Variants in MEIKIN observed in about 807,000 individuals in gnomAD.
The protein encoded by MEIKIN is meiotic kinetochore factor.
chr5:131,813,115 A>G (rs76835932), intron 12 of MEIKIN, among the ~76,000 whole-genome samples: 1 of 152,336 alleles, frequency 6.6e-6, no homozygotes, highest in Non-Finnish European at 1.5e-5. Context: ...AACATGAGGA[A>G]GTGACCCAAA....
intron 11 of MEIKIN, among the ~76,000 whole-genome samples, chr5:131,849,775 G>T (rs949942017): frequency 5.3e-5 from 8 of 151,710 alleles, no homozygotes; most frequent in Admixed American, 2.6e-4. Flanking sequence ...TGAAGAAAAA[G>T]GCAAGGATGT....
At chr5:131,912,001 A>T (rs1205060797) in intron 7 of MEIKIN, 122 bp from the exon 8 acceptor site, 2 of 384,346 alleles carry the variant, frequency 5.2e-6, no homozygotes, top group African/African-American at 4.1e-5. Flanking sequence ...GGGAAAATAT[A>T]CAGTTGCTTA....
intron 4 of MEIKIN, among the ~76,000 whole-genome samples, chr5:131,940,718 G>T (rs557864773): frequency 2.0e-5 from 3 of 152,178 alleles, no homozygotes; most frequent in African/African-American, 4.8e-5. Flanking sequence ...GGGATGTCCT[G>T]TATTTTTTAG....
At chr5:131,836,333 T>C (rs928848290) in intron 11 of MEIKIN, among the ~76,000 whole-genome samples, 9 of 152,208 alleles carry the variant, frequency 5.9e-5, no homozygotes, top group Non-Finnish European at 1.0e-4. Flanking sequence ...GTCCCTGCTA[T>C]TGTGAACAGT....
chr5:131,921,785 C>A (rs1357207054), intron 6 of MEIKIN, 37 bp downstream of exon 6: 3 of 398,698 alleles, frequency 7.5e-6, no homozygotes, highest in Non-Finnish European at 8.9e-6. Flanking sequence ...GCTTTTCCAA[C>A]ATAGATGAGA....
At chr5:131,907,373 C>T (rs1751258565) in intron 8 of MEIKIN, among the ~76,000 whole-genome samples, 1 of 150,486 alleles carries the variant, frequency 6.6e-6, no homozygotes, top group African/African-American at 2.4e-5. Flanking sequence ...AGCAATGAAA[C>T]AAAAAATTGG....
chr5:131,917,563 C>CA (rs546218361), intron 6 of MEIKIN, among the ~76,000 whole-genome samples: 5,101 of 76,300 alleles, frequency 0.067, 372 homozygotes, highest in African/African-American at 0.19. Flanking sequence ...TACTCCATCT[C>CA]AAAAAAAAAA....
intron 7 of MEIKIN, among the ~76,000 whole-genome samples, chr5:131,915,079 G>T (rs1751396701): frequency 6.6e-6 from 1 of 152,150 alleles, no homozygotes; most frequent in African/African-American, 2.4e-5. Context: ...AGTTCTCAAG[G>T]TTCCATACAC....
intron 11 of MEIKIN, among the ~76,000 whole-genome samples, chr5:131,820,257 A>G (rs952719515): frequency 2.0e-4 from 30 of 151,344 alleles, no homozygotes; most frequent in Non-Finnish European, 3.7e-4. Context: ...TATTTTTAGT[A>G]GAGACAGGGT....
At chr5:131,844,101 C>T (rs1008921415) in intron 11 of MEIKIN, among the ~76,000 whole-genome samples, 1 of 152,122 alleles carries the variant, frequency 6.6e-6, no homozygotes, top group South Asian at 2.1e-4. Context: ...AAGTGCCACA[C>T]ACTTTCAAAC....
chr5:131,919,857 C>T (rs1179826460), intron 6 of MEIKIN, among the ~76,000 whole-genome samples: 1 of 152,080 alleles, frequency 6.6e-6, no homozygotes, highest in Non-Finnish European at 1.5e-5. Context: ...TTTTATATAG[C>T]TATGACTCTT....
intron 9 of MEIKIN, among the ~76,000 whole-genome samples, chr5:131,858,592 T>G (rs111678063): frequency 9.6e-4 from 146 of 152,226 alleles, no homozygotes; most frequent in Middle Eastern, 3.4e-3. Context: ...TGGGACCTAA[T>G]TAAACAAAAG....
At position 131,846,177 on chromosome 5, in the gene MEIKIN, C is replaced by G. The variant is rs77904370; in HGVS notation, c.975+5087G>C. On this transcript the variant is annotated intron_variant, in intron 11 of 12. Transcript: ENST00000442687. ...ACCAAATATCCTACATCCAGTAAAA[C>G]TGTCCTTCAAAAATGAGGGAGAAAT... Among the ~76,000 whole-genome samples the G allele has an allele frequency of 1.4e-3, 208 of 152,254 alleles. 2 individuals are homozygous for G. The East Asian group carries it at 0.036, about 27-fold the overall frequency.
chr5:131,927,694 TTTA>T (rs1751610518), intron 5 of MEIKIN, among the ~76,000 whole-genome samples: 1 of 152,200 alleles, frequency 6.6e-6, no homozygotes, highest in Non-Finnish European at 1.5e-5. Flanking sequence ...AATTGACCCT[TTTA>T]TTATTATTTT....
At chr5:131,876,989 C>T (rs1326300536) in intron 9 of MEIKIN, among the ~76,000 whole-genome samples, 2 of 108,712 alleles carry the variant, frequency 1.8e-5, no homozygotes, top group African/African-American at 7.3e-5. Context: ...CACACTGGGG[C>T]CTGTTGTGGG....
At chr5:131,894,679 C>T (rs1205860280) in intron 8 of MEIKIN, among the ~76,000 whole-genome samples, 2 of 152,124 alleles carry the variant, frequency 1.3e-5, no homozygotes, top group East Asian at 3.8e-4. Context: ...TGGGAGTTCA[C>T]TCATGATTTG....
intron 8 of MEIKIN, among the ~76,000 whole-genome samples, chr5:131,893,130 G>A (rs149361591): frequency 0.027 from 4,043 of 152,226 alleles, 187 homozygotes; most frequent in African/African-American, 0.092. Context: ...TCAGACAGGG[G>A]CATTTAAGTC....
chr5:131,910,214 A>G (rs889100632), intron 8 of MEIKIN, among the ~76,000 whole-genome samples: 1 of 152,148 alleles, frequency 6.6e-6, no homozygotes, highest in African/African-American at 2.4e-5. Flanking sequence ...GTGGTACATA[A>G]ACACAATGGA....
intron 4 of MEIKIN, among the ~76,000 whole-genome samples, chr5:131,937,235 A>G (rs1751796241): frequency 6.6e-6 from 1 of 152,176 alleles, no homozygotes; most frequent in South Asian, 2.1e-4. Context: ...TGTGTCTAAA[A>G]ATTCCTTTAT....
Sources: gnomAD v4.1 joint callset for allele counts (sites outside exome capture counted in the v4.1 genomes callset) on GRCh38, gnomAD v4.1.1 for gene constraint, MANE v1.5 for transcripts, NCBI Gene and HGNC (gene_info 2026-07-23, HGNC 2026-07-21) for gene names.